Variants in PDE11A observed in about 807,000 individuals in gnomAD.
PDE11A encodes the protein phosphodiesterase 11A.
PDE11A carries 100 observed loss-of-function variants against 100.5 expected under a neutral mutation model. The observed-to-expected ratio is 1.00, with a 90% CI of 0.85 to 1.18. The LOEUF (loss-of-function observed/expected upper bound fraction) is 1.18, where lower values mean the gene tolerates loss of function less well. PDE11A is among the 50% of genes most tolerant of loss of function. PDE11A has a pLI of 0.00. For synonymous variants in PDE11A, 381 were observed against 420.8 expected (o/e 0.91, Z 1.16); for missense variants, 1,141 against 1,152.6 (o/e 0.99, Z 0.15).
rs772856006 is a variant in PDE11A, at chr2:178,072,083, T to G, written c.355A>C (p.Lys119Gln). 21 of 1,613,998 alleles carry G rather than the reference T, an allele frequency of 1.3e-5. No individual in the cohort carries two copies. In the African/African-American group the frequency reaches 2.5e-4, roughly 19 times the overall value. The change falls in exon 1 of 20, where the codon AAA becomes CAA. Residue 119 changes from lysine (K) to glutamine (Q), a missense_variant. Physicochemically the swap from Lys to Gln is moderately conservative, Grantham distance 53 (BLOSUM62 1). Transcript: ENST00000286063. ...DGNLQRRASQ[K>Q]ELRKSFARSK... ...CGGGCAAAACTCTTCCTTAGCTCTT[T>G]CTGAGAAGCTCTCCGCTGCAGGTTC...
chr2:177,820,807 A>G (rs3770047), intron 6 of PDE11A, among the ~76,000 whole-genome samples: 17,189 of 151,746 alleles, frequency 0.11, 1,130 homozygotes, highest in African/African-American at 0.19. Context: ...AGATACAAAA[A>G]AGGTAAGATA....
intron 18 of PDE11A, among the ~76,000 whole-genome samples, chr2:177,665,489 AT>A (rs1340229212): frequency 0.017 from 1,040 of 62,360 alleles, 11 homozygotes; most frequent in African/African-American, 0.042. Context: ...CAAAAAAAAA[AT>A]AATAATAATA....
At chr2:177,753,424 A>G (rs531937750) in intron 10 of PDE11A, among the ~76,000 whole-genome samples, 1 of 152,158 alleles carries the variant, frequency 6.6e-6, no homozygotes, top group Admixed American at 6.5e-5. Flanking sequence ...TGAATAGCCC[A>G]GGTCCACATG....
chr2:177,954,441 C>T (rs1466885021), intron 2 of PDE11A, among the ~76,000 whole-genome samples: 1 of 152,106 alleles, frequency 6.6e-6, no homozygotes, highest in African/African-American at 2.4e-5. Context: ...CTGAGATGGA[C>T]TGGTAATTAG....
intron 15 of PDE11A, among the ~76,000 whole-genome samples, chr2:177,696,372 C>T (rs1315212685): frequency 6.6e-6 from 1 of 152,074 alleles, no homozygotes; most frequent in African/African-American, 2.4e-5. Flanking sequence ...GAAAAGAAAC[C>T]TGCCAAGGAT....
intron 13 of PDE11A, among the ~76,000 whole-genome samples, chr2:177,704,866 G>A (rs1386708488): frequency 6.6e-6 from 1 of 151,774 alleles, no homozygotes; most frequent in East Asian, 1.9e-4. Flanking sequence ...TTTTGAGACG[G>A]AATCTCGCCT....
chr2:178,046,515 C>T (rs144438616), intron 1 of PDE11A, among the ~76,000 whole-genome samples: 215 of 152,060 alleles, frequency 1.4e-3, no homozygotes, highest in African/African-American at 3.2e-3. Context: ...CTTGTTTGTT[C>T]GTTTGTTTGT....
chr2:177,819,860 T>TTCTCTTTCTCTC (rs60572849), intron 7 of PDE11A, among the ~76,000 whole-genome samples: 11,394 of 100,938 alleles, frequency 0.11, 790 homozygotes, highest in East Asian at 0.19. Context: ...CTTTCTCTCT[T>TTCTCTTTCTCTC]TCTCTCTTTC....
chr2:177,882,074 C>A (rs1027643179), intron 4 of PDE11A, among the ~76,000 whole-genome samples: 13 of 152,128 alleles, frequency 8.5e-5, no homozygotes, highest in African/African-American at 3.1e-4. Context: ...GAGATATACT[C>A]GAGGATATAT....
intron 1 of PDE11A, among the ~76,000 whole-genome samples, chr2:178,106,475 A>G (rs375200111): frequency 3.0e-4 from 46 of 152,328 alleles, no homozygotes; most frequent in African/African-American, 9.9e-4. Context: ...AGTTCTATTA[A>G]TTACCTAAAT....
intron 4 of PDE11A, among the ~76,000 whole-genome samples, chr2:177,881,599 G>A (rs1343878880): frequency 6.6e-6 from 1 of 152,238 alleles, no homozygotes; most frequent in Non-Finnish European, 1.5e-5. Flanking sequence ...CAGTTGAGAA[G>A]TAACATAATT....
intron 6 of PDE11A, among the ~76,000 whole-genome samples, chr2:177,835,069 C>T (rs959246813): frequency 6.6e-5 from 10 of 152,024 alleles, no homozygotes; most frequent in Non-Finnish European, 1.5e-4. Context: ...TGGGTGAGTA[C>T]GATATTCCCA....
chr2:177,787,368 T>C (rs1428962958), intron 9 of PDE11A, among the ~76,000 whole-genome samples: 1 of 150,738 alleles, frequency 6.6e-6, no homozygotes, highest in African/African-American at 2.4e-5. Flanking sequence ...AGGCCTGCCC[T>C]AAAAGAGCTC....
At chr2:177,984,743 T>A (rs990671600) in intron 2 of PDE11A, among the ~76,000 whole-genome samples, 1 of 152,258 alleles carries the variant, frequency 6.6e-6, no homozygotes, top group African/African-American at 2.4e-5. Context: ...TAATGCTCTC[T>A]CTATTAATAA....
chr2:177,906,201 G>GCACA (rs1447344791), intron 2 of PDE11A, among the ~76,000 whole-genome samples: 8 of 146,050 alleles, frequency 5.5e-5, no homozygotes, highest in South Asian at 2.2e-4. Flanking sequence ...ACGCACGCAC[G>GCACA]CACACAATGG....
chr2:178,034,760 G>A lies in PDE11A; in HGVS notation c.913-20300C>T, dbSNP rs531457269. On this transcript the variant is annotated intron_variant, in intron 1 of 19. Coordinates refer to ENST00000286063, the MANE Select transcript of PDE11A (RefSeq NM_016953.4). Reference sequence around the variant, plus strand: ...CAACTACATGGAAATTGAACAACCTGCTCCTGAATGACTACTGGGAAAATA... The same window carrying A: ...CAACTACATGGAAATTGAACAACCTACTCCTGAATGACTACTGGGAAAATA... Among the ~76,000 whole-genome samples the A allele has an allele frequency of 7.2e-5, 11 of 152,302 alleles. No individual in the cohort carries two copies. In the South Asian group the frequency reaches 2.1e-3, roughly 29 times the overall value.
At chr2:178,108,072 G>A (rs537803485) in intron 1 of PDE11A, among the ~76,000 whole-genome samples, 40 of 152,316 alleles carry the variant, frequency 2.6e-4, no homozygotes, top group Non-Finnish European at 4.3e-4. Flanking sequence ...CACAATATCT[G>A]TAACACTGCA....
chr2:177,850,364 C>T (rs904499238), intron 5 of PDE11A, among the ~76,000 whole-genome samples: 1 of 151,880 alleles, frequency 6.6e-6, no homozygotes. Context: ...CCCTTCCTTA[C>T]ACCTTATACA....
intron 2 of PDE11A, among the ~76,000 whole-genome samples, chr2:177,948,695 G>A (rs942886907): frequency 3.3e-5 from 5 of 152,182 alleles, no homozygotes; most frequent in African/African-American, 1.2e-4. Flanking sequence ...CTTGAGTCCA[G>A]GAGTTTAGAA....
Sources: allele counts gnomAD v4.1 joint callset (sites outside exome capture counted in the v4.1 genomes callset), GRCh38; gene constraint gnomAD v4.1.1; transcripts MANE v1.5; gene names NCBI Gene and HGNC (gene_info 2026-07-23, HGNC 2026-07-21).